The following GPR161 variants were observed in gnomAD, a reference collection of about 807,000 sequenced individuals.
GPR161 encodes the protein G-protein coupled receptor RE2.
GPR161 carries 25 observed loss-of-function variants against 39.2 expected under a neutral mutation model. That is an observed-to-expected ratio of 0.64 (90% CI 0.47 to 0.89). GPR161 has a LOEUF of 0.89. Ranked by LOEUF, GPR161 falls within the 40% of genes least tolerant of loss-of-function variation. The pLI is 0.00. For synonymous variants in GPR161, 286 were observed against 276.6 expected (o/e 1.03, Z -0.34); for missense variants, 547 against 677.8 (o/e 0.81, Z 2.14).
chr1:168,087,672 A>T lies in GPR161; in HGVS notation c.1237T>A (p.Ser413Thr). The change falls in exon 5 of 6, where the codon TCT becomes ACT. Residue 413 changes from serine (S) to threonine (T), a missense_variant. By Grantham distance (58) the Ser-to-Thr change is moderately conservative. Coordinates refer to ENST00000682931, the MANE Select transcript of GPR161 (RefSeq NM_001375883.1). ...CAGTGAGAGGGAGGGTTGTCATCAG[A>T]CGTGTAGTCCTCAAGCAGCATCATA... ...TDMMLLEDYTSDDNPPSHCTC... is the reference protein window; with the variant it reads ...TDMMLLEDYTTDDNPPSHCTC... 1 of 1,613,988 alleles carries T rather than the reference A, an allele frequency of 6.2e-7. No homozygotes were observed. The highest frequency in any genetic ancestry group is 1.1e-5 in the South Asian group (1 of 91,052).
intron 1 of GPR161, among the ~76,000 whole-genome samples, chr1:168,108,492 A>AAAAAAAAAAAAAAAAAAC (rs1696831888): frequency 7.3e-6 from 1 of 137,878 alleles, no homozygotes; most frequent in African/African-American, 2.6e-5. Flanking sequence ...GTTGTAAAAA[A>AAAAAAAAAAAAAAAAAAC]AAAAAAAAAA....
chr1:168,136,876 G>C lies in GPR161; in HGVS notation c.-182C>G, dbSNP rs1043959804. The stretch of plus-strand genomic sequence containing the variant: ...GTTTCAGCCCACCGAGCCCCGCTTC[G>C]CTCCTCCCGCGGGCCAGCCACCAGC... On this transcript the variant is annotated 5_prime_UTR_variant, in exon 1 of 6. Transcript: ENST00000682931. 2.2e-5 allele frequency: 22 copies of C among 981,036 alleles called. No homozygotes were observed. Among genetic ancestry groups the C allele is most frequent in the Non-Finnish European group, 2.5e-5 (21 of 828,386 alleles). The allele number at this position is 981,036 out of a possible 1,614,324, so 60.8% of individuals were successfully genotyped here.
intron 1 of GPR161, among the ~76,000 whole-genome samples, chr1:168,105,630 A>G (rs1174494666): frequency 6.6e-6 from 1 of 152,178 alleles, no homozygotes; most frequent in Non-Finnish European, 1.5e-5. Context: ...GGCAAGCACT[A>G]ACTGTAAATG....
At chr1:168,112,363 C>T (rs1365290654) in intron 1 of GPR161, among the ~76,000 whole-genome samples, 1 of 151,346 alleles carries the variant, frequency 6.6e-6, no homozygotes. Context: ...GCCTGTAGTC[C>T]CAGCTACTCG....
chr1:168,092,933 CT>C (rs1478499599), intron 3 of GPR161, among the ~76,000 whole-genome samples: 4 of 152,144 alleles, frequency 2.6e-5, no homozygotes, highest in Non-Finnish European at 4.4e-5. Context: ...GGGGTGCCCC[CT>C]GATACTGCCT....
At chr1:168,120,840 A>G (rs1698107089) in intron 1 of GPR161, among the ~76,000 whole-genome samples, 1 of 152,164 alleles carries the variant, frequency 6.6e-6, no homozygotes, top group African/African-American at 2.4e-5. Context: ...TGCCATAATT[A>G]TAAGTTTCCT....
intron 1 of GPR161, among the ~76,000 whole-genome samples, chr1:168,135,701 A>C (rs1699302470): frequency 6.6e-6 from 1 of 152,228 alleles, no homozygotes; most frequent in Admixed American, 6.5e-5. Context: ...GGCTCCACGG[A>C]GGAGCCACAA....
Position 168,090,671 on chromosome 1 carries a change from G to A in GPR161, c.1100-3C>T. ...GAGGTGTGGGGACAGGCCCAGGTCT[G>A]AAAGACAAAATTGGCATTGACAACA... On this transcript the variant is annotated splice_region_variant and splice_polypyrimidine_tract_variant and intron_variant, in intron 3 of 5. Transcript: ENST00000682931. The A allele has an allele frequency of 1.3e-6, 2 of 1,581,880 alleles. No homozygotes were observed. Among genetic ancestry groups the A allele is most frequent in the African/African-American group, 1.4e-5 (1 of 73,974 alleles).
chr1:168,090,031 CCTT>C (rs1345593680), intron 4 of GPR161, among the ~76,000 whole-genome samples: 1 of 152,188 alleles, frequency 6.6e-6, no homozygotes, highest in Non-Finnish European at 1.5e-5. Context: ...CTGGAGGGCT[CCTT>C]CTGTGCCAAG....
chr1:168,137,358 T>G, upstream of GPR161: 1 of 1,535,992 alleles, frequency 6.5e-7, no homozygotes, highest in Admixed American at 2.0e-5. Context: ...AGTCCCGCCG[T>G]GGACGATCCT....
rs576300144 is a variant in GPR161 at position 168,102,246 on chromosome 1, C to T, written c.374+2231G>A. ...TCAGAAGGGGCCTCTCCACCTGTTA[C>T]GTACCTGCTATCCTACTTGCTGTTT... On this transcript the variant is annotated intron_variant, in intron 2 of 5. Coordinates refer to ENST00000682931, the MANE Select transcript of GPR161 (RefSeq NM_001375883.1). Among the ~76,000 whole-genome samples the T allele has an allele frequency of 4.6e-5, 7 of 152,364 alleles. No individual in the cohort carries two copies. In the South Asian group the frequency reaches 8.3e-4, roughly 18 times the overall value.
At chr1:168,130,599 C>A (rs1698914057) in intron 1 of GPR161, among the ~76,000 whole-genome samples, 1 of 152,146 alleles carries the variant, frequency 6.6e-6, no homozygotes, top group Non-Finnish European at 1.5e-5. Context: ...GATATTCTAC[C>A]ACTTGCAAAA....
At chr1:168,092,692 T>A (rs1695178362) in intron 3 of GPR161, among the ~76,000 whole-genome samples, 1 of 152,098 alleles carries the variant, frequency 6.6e-6, no homozygotes, top group Non-Finnish European at 1.5e-5. Flanking sequence ...TACTTTGAGC[T>A]AACTACAAGA....
intron 1 of GPR161, among the ~76,000 whole-genome samples, chr1:168,111,889 A>G (rs1697203815): frequency 6.6e-6 from 1 of 152,004 alleles, no homozygotes; most frequent in Non-Finnish European, 1.5e-5. Flanking sequence ...AAATGAAAAC[A>G]CCAACATACA....
chr1:168,102,892 C>CA (rs1236883383), intron 2 of GPR161, among the ~76,000 whole-genome samples: 4 of 150,104 alleles, frequency 2.7e-5, no homozygotes, highest in African/African-American at 9.8e-5. Context: ...CCACTGCCAA[C>CA]AAACTTCCAA....
At position 168,079,644 on chromosome 1, in the gene GPR161, C is replaced by T. The variant is rs1693929531; in HGVS notation, c.*5887G>A. On this transcript the variant is annotated 3_prime_UTR_variant, in exon 6 of 6. Coordinates refer to ENST00000682931, the MANE Select transcript of GPR161 (RefSeq NM_001375883.1). Reference sequence around the variant, plus strand: ...ATAATAATCCTAAACTTTTTTTTAACCTTAAAAAAATCATCCAAAGACTTC... The same window carrying T: ...ATAATAATCCTAAACTTTTTTTTAATCTTAAAAAAATCATCCAAAGACTTC... The T allele has an allele frequency of 6.6e-6, 1 of 151,750 alleles. No individual in the cohort carries two copies. Among genetic ancestry groups the T allele is most frequent in the Non-Finnish European group, 1.5e-5 (1 of 67,950 alleles). The allele number at this position is 151,750 out of a possible 1,614,324, so 9.4% of individuals were successfully genotyped here.
At chr1:168,137,493 CG>C, upstream of GPR161, 1 of 1,132,950 alleles carries the variant, frequency 8.8e-7, no homozygotes, top group Non-Finnish European at 1.3e-6. Context: ...AAGCCAGCCC[CG>C]GGGAGTGGGG....
chr1:168,085,685 A>G lies in GPR161; in HGVS notation c.1436T>C (p.Phe479Ser), dbSNP rs777767557. Residue 479 changes from phenylalanine (F) to serine (S), a missense_variant, in exon 6 of 6, where the codon TTT (phenylalanine) becomes TCT (serine). Phe to Ser is a radical substitution (Grantham distance 155, BLOSUM62 -2). Coordinates refer to ENST00000682931, the MANE Select transcript of GPR161 (RefSeq NM_001375883.1). ...GACCCCTGGCAAAGCCTCCTCCCCA[A>G]ATAAGTTGATTTTGGCTTCGGCCTC... Reference protein sequence around the residue: ...AIEAEAKINLFGEEALPGVLV... With the variant: ...AIEAEAKINLSGEEALPGVLV... 8.1e-6 allele frequency: 13 copies of G among 1,614,068 alleles called. No homozygotes were observed. Among genetic ancestry groups the G allele is most frequent in the African/African-American group, 1.3e-5 (1 of 74,924 alleles).
intron 1 of GPR161, among the ~76,000 whole-genome samples, chr1:168,129,950 C>G (rs1698863390): frequency 6.6e-6 from 1 of 152,198 alleles, no homozygotes; most frequent in Admixed American, 6.5e-5. Flanking sequence ...TAGCCAAACC[C>G]AATGGGCCCT....
Sources: gnomAD v4.1 joint callset for allele counts (sites outside exome capture counted in the v4.1 genomes callset) on GRCh38, gnomAD v4.1.1 for gene constraint, MANE v1.5 for transcripts, NCBI Gene and HGNC (gene_info 2026-07-23, HGNC 2026-07-21) for gene names.